The following EMID1 variants were observed in gnomAD, a reference collection of about 807,000 sequenced individuals.
EMID1 encodes EMI domain-containing protein 1.
A neutral mutation model predicts 60.6 loss-of-function variants in EMID1; 40 were observed. That is an observed-to-expected ratio of 0.66 (90% confidence interval 0.51 to 0.86). The LOEUF is 0.86. Ranked by LOEUF, EMID1 falls within the 40% of genes least tolerant of loss-of-function variation. The pLI is 0.00. For synonymous variants in EMID1, 242 were observed against 231.0 expected (o/e 1.05, Z -0.43); for missense variants, 585 against 597.1 (o/e 0.98, Z 0.21).
chr22:29,229,971 C>G (rs1465379316), intron 5 of EMID1, among the ~76,000 whole-genome samples: 1 of 152,174 alleles, frequency 6.6e-6, no homozygotes, highest in Non-Finnish European at 1.5e-5. Flanking sequence ...CACCATGGGC[C>G]CAAAAGTGGA....
At chr22:29,233,905 G>A (rs2146311344) in intron 10 of EMID1, 3 of 662,676 alleles carry the variant, frequency 4.5e-6, no homozygotes, top group East Asian at 5.5e-5. Flanking sequence ...ACCAAGAAAA[G>A]TAGAGATTCT....
In EMID1 at chr22:29,254,251, AG is replaced by A. The variant is rs753360272; in HGVS notation, c.1171del (p.Val391PhefsTer2). On this transcript the variant is annotated frameshift_variant, in exon 14 of 15. Coordinates refer to ENST00000334018, the MANE Select transcript of EMID1 (RefSeq NM_133455.4). LOFTEE classifies it high-confidence loss of function. ...LREALKILAERVLILETMIGL... is the reference protein window; with the variant it reads ...LREALKILAEXVLILETMIGL... The stretch of plus-strand genomic sequence containing the variant: ...CGAGGCTTTGAAGATTTTAGCTGAG[AG>A]GGTTTTAATCTTGGAAACAATGATT... 6.2e-7 allele frequency: 1 copy of A among 1,614,144 alleles called. No individual in the cohort carries two copies. Among genetic ancestry groups the A allele is most frequent in the Non-Finnish European group, 8.5e-7 (1 of 1,179,988 alleles).
chr22:29,252,916 A>C (rs796705075), intron 13 of EMID1, among the ~76,000 whole-genome samples: 1 of 152,228 alleles, frequency 6.6e-6, no homozygotes, highest in Non-Finnish European at 1.5e-5. Flanking sequence ...GACCTGGGGA[A>C]GGGACAGAGT....
rs1431821074 is a variant in EMID1, at chr22:29,243,623, A to G, written c.1119+134A>G. On this transcript the variant is annotated intron_variant, in intron 13 of 14. Coordinates refer to ENST00000334018, the MANE Select transcript of EMID1 (RefSeq NM_133455.4). ...CCCACTACAGCCTGGTCTCCCAGGCAGGAGCCTTGGCAATTATCAGCCCCA... is the reference window on the plus strand; with the variant it reads ...CCCACTACAGCCTGGTCTCCCAGGCGGGAGCCTTGGCAATTATCAGCCCCA... The G allele has an allele frequency of 2.0e-5, 21 of 1,069,852 alleles. 1 individual carries two copies. Among genetic ancestry groups the G allele is most frequent in the Non-Finnish European group, 2.9e-5 (21 of 721,888 alleles). 66.3% of individuals were successfully genotyped at this position (1,069,852 alleles called of 1,614,324 possible).
chr22:29,218,027 C>T (rs1440327340), intron 3 of EMID1, among the ~76,000 whole-genome samples: 5 of 152,204 alleles, frequency 3.3e-5, no homozygotes, highest in Non-Finnish European at 7.3e-5. Flanking sequence ...CAGCTGCACT[C>T]TGCTGTGTGA....
At chr22:29,207,092 C>G (rs78453731) in intron 1 of EMID1, among the ~76,000 whole-genome samples, 1 of 152,218 alleles carries the variant, frequency 6.6e-6, no homozygotes, top group South Asian at 2.1e-4. Context: ...GCCCCCACCC[C>G]CTACGGCCTC....
Position 29,247,096 on chromosome 22 carries a change from A to T in EMID1, c.1119+3607A>T, listed in dbSNP as rs138788202. On this transcript the variant is annotated intron_variant, in intron 13 of 14. Transcript: ENST00000334018. The stretch of plus-strand genomic sequence containing the variant: ...TGGGTTCAAGCAATTCTCGTGCCTC[A>T]GCCACCTAAGTAGCTGGGACTCTGT... 5.3e-3 allele frequency among the ~76,000 whole-genome samples: 812 copies of T among 152,110 alleles called. 9 individuals carry two copies. Among genetic ancestry groups the T allele is most frequent in the Non-Finnish European group, 7.7e-3 (527 of 68,000 alleles).
Position 29,259,107 on chromosome 22 carries a change from A to G in EMID1, c.*163A>G, listed in dbSNP as rs1043750848. 5.3e-6 allele frequency: 6 copies of G among 1,125,220 alleles called. No homozygotes were observed. The highest frequency in any genetic ancestry group is 1.6e-5 in the African/African-American group (1 of 62,524). The allele number at this position is 1,125,220 out of a possible 1,614,324, so 69.7% of individuals were successfully genotyped here. Reference sequence around the variant, plus strand: ...GCAGGTCTCAGTCCTGGCACCATGCACATGTCTGAGGCTGAGCAAGGGCTG... The same window carrying G: ...GCAGGTCTCAGTCCTGGCACCATGCGCATGTCTGAGGCTGAGCAAGGGCTG... On this transcript the variant is annotated 3_prime_UTR_variant, in exon 15 of 15. Transcript: ENST00000334018.
intron 12 of EMID1, among the ~76,000 whole-genome samples, chr22:29,234,616 C>T (rs2040876846): frequency 1.3e-5 from 2 of 152,178 alleles, no homozygotes; most frequent in African/African-American, 4.8e-5. Flanking sequence ...CACTCTATCT[C>T]TCCAATTCTG....
At chr22:29,221,221 C>A (rs915479087) in intron 3 of EMID1, among the ~76,000 whole-genome samples, 1 of 145,898 alleles carries the variant, frequency 6.9e-6, no homozygotes, top group East Asian at 2.0e-4. Context: ...GCCTTCAGGG[C>A]CCCCCTGAGA....
chr22:29,256,586 G>T (rs1490730710), intron 14 of EMID1, among the ~76,000 whole-genome samples: 1 of 152,090 alleles, frequency 6.6e-6, no homozygotes, highest in Non-Finnish European at 1.5e-5. Context: ...AGCCAGACCT[G>T]TTGGGCACTG....
In EMID1 at chr22:29,258,979, G is replaced by A. The variant is rs1393491858; in HGVS notation, c.*35G>A. The A allele has an allele frequency of 6.3e-7, 1 of 1,599,492 alleles. No individual in the cohort carries two copies. ...CGGCCCCTGAGGCAGACCAGGCCAG[G>A]CTTCCCCTCCTACCTGGACTCGGCC... On this transcript the variant is annotated 3_prime_UTR_variant, in exon 15 of 15. Transcript: ENST00000334018.
rs150878567 is a variant in EMID1, at chr22:29,234,109, A to G, written c.967-28A>G. On this transcript the variant is annotated intron_variant, in intron 10 of 14. Coordinates refer to ENST00000334018, the MANE Select transcript of EMID1 (RefSeq NM_133455.4). ...TGCCCACTCCATCCTGCCCCAACACAAGGCTGAGGCCCTGTCTTGTTGCTC... is the reference window on the plus strand; with the variant it reads ...TGCCCACTCCATCCTGCCCCAACACGAGGCTGAGGCCCTGTCTTGTTGCTC... The G allele has an allele frequency of 5.8e-4, 908 of 1,563,062 alleles. 3 individuals are homozygous for G. In the African/African-American group the frequency reaches 0.01, roughly 18 times the overall value.
At chr22:29,223,334 G>T (rs901068565) in intron 3 of EMID1, among the ~76,000 whole-genome samples, 5 of 152,226 alleles carry the variant, frequency 3.3e-5, no homozygotes, top group Admixed American at 6.5e-5. Flanking sequence ...GAAGCAGGTG[G>T]GGGGAGCAGC....
chr22:29,228,216 A>G (rs1378231837), intron 5 of EMID1, among the ~76,000 whole-genome samples: 3 of 151,266 alleles, frequency 2.0e-5, no homozygotes, highest in Non-Finnish European at 4.4e-5. Context: ...AATCCCAGCT[A>G]CTTGGGAGGC....
At chr22:29,228,156 CAAA>C (rs748240529) in intron 5 of EMID1, among the ~76,000 whole-genome samples, 2 of 38,930 alleles carry the variant, frequency 5.1e-5, no homozygotes, top group Non-Finnish European at 5.5e-5. Context: ...AACTCCATCT[CAAA>C]AAAAAAAAAA....
At chr22:29,214,856 C>A in intron 1 of EMID1, 70 bp from the exon 2 acceptor site, 1 of 1,136,550 alleles carries the variant, frequency 8.8e-7, no homozygotes, top group Non-Finnish European at 1.2e-6. Flanking sequence ...CGTCCTCACC[C>A]ATCCTCCTGG....
At position 29,220,744 on chromosome 22, in the gene EMID1, A is replaced by C. The variant is rs116418346; in HGVS notation, c.320-4389A>C. 5.8e-3 allele frequency among the ~76,000 whole-genome samples: 890 copies of C among 152,204 alleles called. 10 individuals carry two copies. The highest frequency in any genetic ancestry group is 0.02 in the African/African-American group (842 of 41,524). On this transcript the variant is annotated intron_variant, in intron 3 of 14. Coordinates refer to ENST00000334018, the MANE Select transcript of EMID1 (RefSeq NM_133455.4). ...CAGCCCCCCTCGTCCCACTGCAAGGACAGAGCGGAAGCCTCTCCTCTCTGG... is the reference window on the plus strand; with the variant it reads ...CAGCCCCCCTCGTCCCACTGCAAGGCCAGAGCGGAAGCCTCTCCTCTCTGG...
In EMID1 at chr22:29,231,005, T is replaced by G; in HGVS notation, c.466-15T>G. 2 of 1,610,382 alleles carry G rather than the reference T, an allele frequency of 1.2e-6. No individual in the cohort carries two copies. Among genetic ancestry groups the G allele is most frequent in the Non-Finnish European group, 1.7e-6 (2 of 1,178,132 alleles). ...GAGACCCTGGTACCCACCCCGTCCC[T>G]GTCTTCCTCTTCAGATGACCATGCT... On this transcript the variant is annotated splice_polypyrimidine_tract_variant and intron_variant, in intron 5 of 14. Coordinates refer to ENST00000334018, the MANE Select transcript of EMID1 (RefSeq NM_133455.4).
Sources: allele counts gnomAD v4.1 joint callset (sites outside exome capture counted in the v4.1 genomes callset), GRCh38; gene constraint gnomAD v4.1.1; transcripts MANE v1.5; gene names NCBI Gene and HGNC (gene_info 2026-07-23, HGNC 2026-07-21).